Variants in ROR2 observed in about 807,000 individuals in gnomAD.
ROR2 encodes ROR family WNT receptor 2, also known as tyrosine-protein kinase transmembrane receptor ROR2.
ROR2 carries 33 observed loss-of-function variants against 74.9 expected under a neutral mutation model. That is an observed-to-expected ratio of 0.44 (90% confidence interval 0.33 to 0.59). ROR2 has a LOEUF of 0.59. Ranked by LOEUF, ROR2 falls within the 20% of genes least tolerant of loss-of-function variation. ROR2 has a pLI of 0.02. For synonymous variants in ROR2, 586 were observed against 558.7 expected, an observed-to-expected ratio of 1.05 and a Z score of -0.69; for missense variants, 1,216 against 1,313.8, an observed-to-expected ratio of 0.93 and a Z score of 1.15.
chr9:91,778,135 A>C (rs1295578952), intron 1 of ROR2, among the ~76,000 whole-genome samples: 1 of 152,180 alleles, frequency 6.6e-6, no homozygotes, highest in East Asian at 1.9e-4. Context: ...ACATGCCCTC[A>C]CTCCTGCTGC....
intron 1 of ROR2, among the ~76,000 whole-genome samples, chr9:91,812,263 T>A (rs1178161144): frequency 1.3e-5 from 2 of 152,022 alleles, no homozygotes; most frequent in Non-Finnish European, 2.9e-5. Flanking sequence ...AATCCCTACA[T>A]CACATCTCTT....
intron 1 of ROR2, among the ~76,000 whole-genome samples, chr9:91,867,323 T>TTGCGCA (rs1829664152): frequency 6.6e-6 from 1 of 152,174 alleles, no homozygotes; most frequent in East Asian, 1.9e-4. Flanking sequence ...CCAGTCCCCA[T>TTGCGCA]CCAGTGATGG....
At chr9:91,869,724 C>T (rs2119327681) in intron 1 of ROR2, among the ~76,000 whole-genome samples, 1 of 152,186 alleles carries the variant, frequency 6.6e-6, no homozygotes, top group Admixed American at 6.5e-5. Context: ...GCTCCATATC[C>T]CGATTTTAGC....
chr9:91,777,438 G>A (rs1378449645), intron 1 of ROR2, among the ~76,000 whole-genome samples: 37 of 151,550 alleles, frequency 2.4e-4, no homozygotes, highest in African/African-American at 8.7e-4. Flanking sequence ...TCATCAAAAT[G>A]TTATTATTAG....
intron 1 of ROR2, among the ~76,000 whole-genome samples, chr9:91,829,536 C>G (rs181717814): frequency 1.8e-5 from 2 of 113,790 alleles, no homozygotes; most frequent in African/African-American, 7.5e-5. Context: ...GGTGACACAG[C>G]GAGACTCCGT....
intron 1 of ROR2, among the ~76,000 whole-genome samples, chr9:91,823,868 T>A (rs554130682): frequency 6.6e-6 from 1 of 152,304 alleles, no homozygotes; most frequent in South Asian, 2.1e-4. Flanking sequence ...GCCCAAGGCA[T>A]CTCAATCTCC....
intron 1 of ROR2, among the ~76,000 whole-genome samples, chr9:91,873,674 G>C (rs554513887): frequency 3.3e-5 from 5 of 152,252 alleles, no homozygotes; most frequent in African/African-American, 9.6e-5. Context: ...CATCTGAAGT[G>C]CATTTGAGCC....
chr9:91,789,204 C>A (rs556256662), intron 1 of ROR2, among the ~76,000 whole-genome samples: 1 of 152,282 alleles, frequency 6.6e-6, no homozygotes, highest in Non-Finnish European at 1.5e-5. Context: ...AAATATCAGA[C>A]TGTGCCTCAT....
intron 1 of ROR2, among the ~76,000 whole-genome samples, chr9:91,899,252 T>C (rs1830611974): frequency 1.3e-5 from 2 of 152,164 alleles, no homozygotes; most frequent in African/African-American, 4.8e-5. Flanking sequence ...GGTGGCATTA[T>C]CTGCTGGGAG....
rs566377443 is a variant in ROR2, at chr9:91,902,436, C to G, written c.97+47431G>C. On this transcript the variant is annotated intron_variant, in intron 1 of 8. Transcript: ENST00000375708. ...TGCTTGTACCTCTCACAGCCAGGGC[C>G]TTCCCACGCCTCAGGCCCCTACTGA... 2.6e-5 allele frequency among the ~76,000 whole-genome samples: 4 copies of G among 152,198 alleles called. No individual in the cohort carries two copies. The South Asian group carries it at 8.3e-4, about 32-fold the overall frequency.
At chr9:91,846,293 G>A (rs1828928854) in intron 1 of ROR2, among the ~76,000 whole-genome samples, 3 of 152,224 alleles carry the variant, frequency 2.0e-5, no homozygotes, top group South Asian at 4.1e-4. Context: ...TAGGGAGGCA[G>A]TCAAGGTTAA....
chr9:91,753,722 A>G (rs901363158), intron 4 of ROR2, among the ~76,000 whole-genome samples: 1 of 152,184 alleles, frequency 6.6e-6, no homozygotes, highest in Non-Finnish European at 1.5e-5. Context: ...AGGGAAAGAG[A>G]GCATCTGGAA....
chr9:91,889,853 C>A (rs112043660), intron 1 of ROR2, among the ~76,000 whole-genome samples: 8 of 152,192 alleles, frequency 5.3e-5, no homozygotes, highest in Non-Finnish European at 7.3e-5. Context: ...CTGACCCACA[C>A]GGAAGACACA....
chr9:91,806,779 C>T lies in ROR2; in HGVS notation c.98-30961G>A, dbSNP rs970301176. Among the ~76,000 whole-genome samples the T allele has an allele frequency of 1.5e-4, 23 of 152,138 alleles. No individual in the cohort carries two copies. In the East Asian group the frequency reaches 1.7e-3, roughly 12 times the overall value. The stretch of plus-strand genomic sequence containing the variant: ...TAATTTTTTGTATTTTTAGTAGAGA[C>T]GGGGTTTCACCGTGTTAGCCAGGAT... On this transcript the variant is annotated intron_variant, in intron 1 of 8. Transcript: ENST00000375708.
chr9:91,757,478 G>A lies in ROR2; in HGVS notation c.257C>T (p.Ala86Val), dbSNP rs1363633881. 6 of 1,613,728 alleles carry A rather than the reference G, an allele frequency of 3.7e-6. No homozygotes were observed. ...CCGCACGTTAGGGGGTGGGTTTCCT[G>A]CCACCTTGCAGTGCAGAATTGCCGT... is the stretch of plus-strand genomic sequence containing the variant. ...GQTAILHCKV[A>V]GNPPPNVRWL... Residue 86 changes from alanine to valine, a missense_variant, in exon 3 of 9, where the codon GCA becomes GTA. Coordinates refer to ENST00000375708, the MANE Select transcript of ROR2 (RefSeq NM_004560.4).
At chr9:91,786,347 T>C (rs1826802285) in intron 1 of ROR2, among the ~76,000 whole-genome samples, 1 of 93,826 alleles carries the variant, frequency 1.1e-5, no homozygotes, top group Admixed American at 1.5e-4. Context: ...AATCAATCAA[T>C]CAATAAGTAA....
In ROR2 at chr9:91,726,533, A is replaced by G. The variant is rs1187891651; in HGVS notation, c.1386+8T>C. On this transcript the variant is annotated splice_region_variant and intron_variant, in intron 8 of 8. Coordinates refer to ENST00000375708, the MANE Select transcript of ROR2 (RefSeq NM_004560.4). ...GCCACCCGGGTAGAAAATGTAAGGC[A>G]TGGAGACCTGTTTGTGCTGGTTAAT... 14 of 1,611,574 alleles carry G rather than the reference A, an allele frequency of 8.7e-6. No individual in the cohort carries two copies. Among genetic ancestry groups the G allele is most frequent in the Non-Finnish European group, 1.2e-5 (14 of 1,179,882 alleles).
At chr9:91,725,726 G>A (rs1837005445) in intron 8 of ROR2, among the ~76,000 whole-genome samples, 1 of 151,840 alleles carries the variant, frequency 6.6e-6, no homozygotes, top group South Asian at 2.1e-4. Flanking sequence ...GGAGCCCTGA[G>A]AACCCTGCAT....
chr9:91,726,922 T>C (rs898347430), intron 7 of ROR2, among the ~76,000 whole-genome samples, 179 bp from the exon 8 acceptor site: 6 of 151,912 alleles, frequency 3.9e-5, no homozygotes, highest in Middle Eastern at 3.4e-3. Flanking sequence ...CACCAAAAAA[T>C]GCACACCCGG....
Sources: gnomAD v4.1 joint callset for allele counts (sites outside exome capture counted in the v4.1 genomes callset) on GRCh38, gnomAD v4.1.1 for gene constraint, MANE v1.5 for transcripts, NCBI Gene and HGNC (gene_info 2026-07-23, HGNC 2026-07-21) for gene names.